The following KDM6A variants were observed in gnomAD, a reference collection of about 807,000 sequenced individuals.
KDM6A encodes the protein lysine demethylase 6A.
In KDM6A, 11 loss-of-function variants were observed where a neutral mutation model predicts 117.6. The observed-to-expected ratio is 0.09, with a 90% confidence interval of 0.06 to 0.15. The LOEUF (loss-of-function observed/expected upper bound fraction) is 0.15, where lower values mean the gene tolerates loss of function less well. KDM6A is among the 10% of genes least tolerant of loss of function. The probability of loss-of-function intolerance (pLI) is 1.00; values close to 1 mark genes in which losing one functional copy is unlikely to be tolerated. For synonymous variants in KDM6A, 384 were observed against 396.1 expected (o/e 0.97, Z 0.36); for missense variants, 799 against 1,077.3 (o/e 0.74, Z 3.62).
At chrX:44,920,906 C>T (rs771429469) in intron 2 of KDM6A, among the ~76,000 whole-genome samples, 2 of 92,909 alleles carry the variant, frequency 2.2e-5, no homozygotes, top group South Asian at 5.5e-4. Context: ...GACAGAGTCT[C>T]GCTCTGTCGC....
chrX:44,971,967 G>A (rs1183752572), intron 3 of KDM6A, among the ~76,000 whole-genome samples: 6 of 110,093 alleles, frequency 5.4e-5, no homozygotes, highest in African/African-American at 2.0e-4. Flanking sequence ...CACAGAGAAG[G>A]GTTGCAGGGC....
intron 2 of KDM6A, among the ~76,000 whole-genome samples, chrX:44,952,537 T>C (rs1156694387): frequency 1.8e-5 from 2 of 111,230 alleles, no homozygotes; most frequent in African/African-American, 6.5e-5. Context: ...CCTCCCACCG[T>C]GCTGTGATTA....
chrX:44,898,581 C>T (rs1023231619), intron 2 of KDM6A, among the ~76,000 whole-genome samples: 3 of 111,354 alleles, frequency 2.7e-5, no homozygotes, highest in Middle Eastern at 4.6e-3. Flanking sequence ...AACTGCTTCA[C>T]GCAGCTTTAT....
rs140500664 is a variant in KDM6A at position 44,963,890 on chromosome X, T to C, written c.334+2498T>C. ...ATGCGACACCATGCCTGGGTAATTTTATATTTTTAGTAGAGACAGGGTTTC... is the reference window on the plus strand; with the variant it reads ...ATGCGACACCATGCCTGGGTAATTTCATATTTTTAGTAGAGACAGGGTTTC... On this transcript the variant is annotated intron_variant, in intron 3 of 29. Coordinates refer to ENST00000611820, the MANE Select transcript of KDM6A (RefSeq NM_001291415.2). 1.0e-2 allele frequency among the ~76,000 whole-genome samples: 1,092 copies of C among 109,527 alleles called. 14 individuals carry two copies. The highest frequency in any genetic ancestry group is 0.035 in the African/African-American group (1,053 of 30,071).
At chrX:45,029,145 G>A (rs1206891490) in intron 6 of KDM6A, among the ~76,000 whole-genome samples, 1 of 111,869 alleles carries the variant, frequency 8.9e-6, no homozygotes, top group Non-Finnish European at 1.9e-5. Flanking sequence ...TTTAGAAAAA[G>A]GTTGTGTGGC....
At chrX:44,937,898 T>C (rs760959065) in intron 2 of KDM6A, among the ~76,000 whole-genome samples, 1 of 112,080 alleles carries the variant, frequency 8.9e-6, no homozygotes, top group South Asian at 3.8e-4. Context: ...CTCACTTTGT[T>C]GCCCAGGCTG....
chrX:45,086,202 A>G (rs2045633563), intron 25 of KDM6A: 1 of 334,763 alleles, frequency 3.0e-6, no homozygotes, highest in South Asian at 4.8e-5. Context: ...AGTAGTACCC[A>G]TGAATTAAGA....
intron 2 of KDM6A, among the ~76,000 whole-genome samples, chrX:44,904,629 C>G (rs1008679801): frequency 8.9e-6 from 1 of 111,770 alleles, no homozygotes; most frequent in Non-Finnish European, 1.9e-5. Context: ...TGTGAAATAC[C>G]TAGCTTTGCA....
chrX:45,111,322 G>T, intron 29 of KDM6A, 60 bp from the exon 30 acceptor site: 1 of 928,832 alleles, frequency 1.1e-6, no homozygotes, highest in Non-Finnish European at 1.6e-6. Flanking sequence ...CTATATGTTT[G>T]TAGCCATGAG....
At chrX:44,920,884 T>C (rs747518863) in intron 2 of KDM6A, among the ~76,000 whole-genome samples, 1 of 104,784 alleles carries the variant, frequency 9.5e-6, no homozygotes, top group Non-Finnish European at 2.0e-5. Flanking sequence ...TTTCTTTTTT[T>C]TTTTTTTTTA....
chrX:45,010,811 C>A, intron 4 of KDM6A, 150 bp from the exon 5 acceptor site: 1 of 430,042 alleles, frequency 2.3e-6, no homozygotes, highest in Non-Finnish European at 4.0e-6. Flanking sequence ...GCCATCTGAT[C>A]ACTGTTATTT....
At chrX:44,884,713 G>A (rs1017620238) in intron 2 of KDM6A, among the ~76,000 whole-genome samples, 2 of 111,330 alleles carry the variant, frequency 1.8e-5, no homozygotes, top group Non-Finnish European at 3.8e-5. Context: ...AAGAGCTCTT[G>A]AAAAAGGCCT....
intron 2 of KDM6A, among the ~76,000 whole-genome samples, chrX:44,896,539 G>C (rs2033868491): frequency 9.2e-6 from 1 of 108,329 alleles, no homozygotes; most frequent in Non-Finnish European, 1.9e-5. Flanking sequence ...TAGTATGATA[G>C]TCTGTTATAT....
intron 2 of KDM6A, among the ~76,000 whole-genome samples, chrX:44,920,421 T>C (rs2035839578): frequency 9.0e-6 from 1 of 110,903 alleles, no homozygotes; most frequent in East Asian, 2.8e-4. Flanking sequence ...GTTAGCATAA[T>C]ATATCTTTTT....
At chrX:45,009,533 C>T (rs751451084) in intron 4 of KDM6A, among the ~76,000 whole-genome samples, 14 of 111,476 alleles carry the variant, frequency 1.3e-4, no homozygotes, top group Non-Finnish European at 2.3e-4. Context: ...CTAAGAATGC[C>T]TAACCTCCTG....
intron 3 of KDM6A, among the ~76,000 whole-genome samples, chrX:44,971,153 T>G (rs1041067595): frequency 4.5e-5 from 5 of 111,812 alleles, no homozygotes; most frequent in African/African-American, 1.6e-4. Flanking sequence ...CTACAGCTGG[T>G]TTGATAAATT....
intron 20 of KDM6A, among the ~76,000 whole-genome samples, 177 bp from the exon 21 acceptor site, chrX:45,078,969 C>T (rs965878049): frequency 9.1e-6 from 1 of 109,729 alleles, no homozygotes; most frequent in African/African-American, 3.3e-5. Context: ...AGGGCTTCAG[C>T]GTATGGTTCT....
At chrX:44,908,451 A>G (rs1436854164) in intron 2 of KDM6A, among the ~76,000 whole-genome samples, 1 of 111,626 alleles carries the variant, frequency 9.0e-6, no homozygotes, top group Non-Finnish European at 1.9e-5. Context: ...TGGCTTCATC[A>G]CATGTGTGGC....
chrX:45,011,067 T>C (rs767656430), intron 5 of KDM6A, 48 bp downstream of exon 5: 23 of 952,073 alleles, frequency 2.4e-5, no homozygotes, highest in Non-Finnish European at 3.3e-5. Context: ...GTAAATGGCT[T>C]GTTTGCTTGT....
Sources: gnomAD v4.1 joint callset for allele counts (sites outside exome capture counted in the v4.1 genomes callset) on GRCh38, gnomAD v4.1.1 for gene constraint, MANE v1.5 for transcripts, NCBI Gene and HGNC (gene_info 2026-07-23, HGNC 2026-07-21) for gene names.